Variants in TRHDE observed in about 807,000 individuals in gnomAD.
TRHDE encodes the protein thyrotropin releasing hormone degrading enzyme.
A neutral mutation model predicts 125.7 loss-of-function variants in TRHDE; 72 were observed. The ratio of observed to expected loss-of-function variants is 0.57; its 90% CI spans 0.47 to 0.70. The LOEUF is 0.70. Ranked by LOEUF, TRHDE falls within the 30% of genes least tolerant of loss-of-function variation. The probability of loss-of-function intolerance (pLI) is 0.00; values close to 1 mark genes in which losing one functional copy is unlikely to be tolerated. For missense variants in TRHDE, 1,110 were observed against 1,327.1 expected (o/e 0.84, Z 2.54); for synonymous variants, 509 against 509.1 (o/e 1.00, Z 0.00).
chr12:72,335,112 C>T (rs754964478), intron 2 of TRHDE, among the ~76,000 whole-genome samples: 67 of 152,012 alleles, frequency 4.4e-4, no homozygotes, highest in Non-Finnish European at 8.8e-4. Context: ...TCAAGGGTGA[C>T]TATGCCCTGC....
In TRHDE at chr12:72,614,327, TA is replaced by T. The variant is rs1256174897; in HGVS notation, c.2322-4563del. Among the ~76,000 whole-genome samples, 342 of 42,148 alleles carry T rather than the reference TA, an allele frequency of 8.1e-3. 3 individuals carry two copies. The highest frequency in any genetic ancestry group is 0.021 in the African/African-American group (308 of 14,922). 27.7% of individuals were successfully genotyped at this position (42,148 alleles called of 152,430 possible). A position where few individuals can be genotyped will look rare whatever the true frequency, so the allele number is the denominator to read the frequency against. ...ATATACATATGTATATATATATATATATATTTTTTTTTTCTCTAGAAACTGA... is the reference window on the plus strand; with the variant it reads ...ATATACATATGTATATATATATATATTATTTTTTTTTTCTCTAGAAACTGA... On this transcript the variant is annotated intron_variant, in intron 12 of 18. Transcript: ENST00000261180.
At chr12:72,309,494 G>A (rs1489902449) in intron 2 of TRHDE, among the ~76,000 whole-genome samples, 2 of 151,994 alleles carry the variant, frequency 1.3e-5, no homozygotes, top group African/African-American at 2.4e-5. Flanking sequence ...GGGAATAACT[G>A]GAAAGGAGGA....
intron 1 of TRHDE, among the ~76,000 whole-genome samples, chr12:72,277,684 T>TA (rs1017735751): frequency 6.4e-4 from 96 of 151,048 alleles, no homozygotes; most frequent in African/African-American, 1.2e-3. Context: ...CAATGTTTAC[T>TA]AAAAAAAAAG....
intron 2 of TRHDE, among the ~76,000 whole-genome samples, chr12:72,294,923 C>G (rs992895939): frequency 6.6e-6 from 1 of 151,928 alleles, no homozygotes; most frequent in African/African-American, 2.4e-5. Flanking sequence ...AGTGCTGTGA[C>G]AGCACTGGAG....
chr12:72,566,029 C>CTA (rs1198653357), intron 9 of TRHDE, among the ~76,000 whole-genome samples: 2 of 151,960 alleles, frequency 1.3e-5, no homozygotes, highest in African/African-American at 4.8e-5. Context: ...TTTCACTAAA[C>CTA]TATGTTTAGG....
At chr12:72,179,031 C>G (rs1244194752) in intron 2 of TRHDE, among the ~76,000 whole-genome samples, 2 of 151,964 alleles carry the variant, frequency 1.3e-5, no homozygotes, top group Non-Finnish European at 2.9e-5. Context: ...ATAAATTGGA[C>G]AGATGGAATC....
intron 3 of TRHDE, among the ~76,000 whole-genome samples, chr12:72,435,555 C>T (rs1874701369): frequency 6.6e-6 from 1 of 151,018 alleles, no homozygotes; most frequent in South Asian, 2.1e-4. Flanking sequence ...TAACATTGTC[C>T]TATTTTTATT....
In TRHDE at chr12:72,272,913, T is replaced by C. The variant is rs2139405688; in HGVS notation, c.270T>C (p.Ala90=). ...AVHKRLVLAF[A]VSLVALLAVT... ...ACAAGCGGCTTGTGCTGGCCTTCGC[T>C]GTGTCCCTCGTGGCATTGCTCGCGG... The change falls in exon 1 of 19, where the codon GCT becomes GCC. Residue 90 remains alanine, a synonymous_variant. Coordinates refer to ENST00000261180, the MANE Select transcript of TRHDE (RefSeq NM_013381.3). This position sits in a 1 kb window ranked among gnomAD's most constrained non-coding sequence, Gnocchi z 6.7. 1 of 1,579,256 alleles carries C rather than the reference T, an allele frequency of 6.3e-7. No homozygotes were observed. The highest frequency in any genetic ancestry group is 8.5e-7 in the Non-Finnish European group (1 of 1,170,688).
At chr12:72,156,133 T>C (rs1401903072) in intron 2 of TRHDE, among the ~76,000 whole-genome samples, 1 of 152,132 alleles carries the variant, frequency 6.6e-6, no homozygotes, top group East Asian at 1.9e-4. Flanking sequence ...ACCTTCCAGT[T>C]TGATCTCAGA....
intron 2 of TRHDE, among the ~76,000 whole-genome samples, chr12:72,265,793 C>T (rs1879054200): frequency 6.6e-6 from 1 of 151,712 alleles, no homozygotes; most frequent in South Asian, 2.1e-4. Context: ...TATCTTTGAC[C>T]AGAATCCTCA....
At chr12:72,314,380 A>T (rs1426137576) in intron 2 of TRHDE, among the ~76,000 whole-genome samples, 1 of 147,726 alleles carries the variant, frequency 6.8e-6, no homozygotes, top group Non-Finnish European at 1.5e-5. Context: ...GAAACCTTAT[A>T]AATGCAAACT....
chr12:72,661,501 TAAAAC>T (rs1273197205), intron 18 of TRHDE, among the ~76,000 whole-genome samples: 2 of 152,166 alleles, frequency 1.3e-5, no homozygotes, highest in East Asian at 1.9e-4. Flanking sequence ...TATAATAAAT[TAAAAC>T]AAAATTCAAA....
At chr12:72,149,467 T>C (rs1468493590) in intron 2 of TRHDE, among the ~76,000 whole-genome samples, 1 of 152,176 alleles carries the variant, frequency 6.6e-6, no homozygotes, top group Non-Finnish European at 1.5e-5. Flanking sequence ...GGTATATGTT[T>C]TAAAAAATTT....
intron 2 of TRHDE, chr12:72,163,052 C>A (rs1876669988): frequency 1.3e-5 from 2 of 151,940 alleles, no homozygotes; most frequent in African/African-American, 4.8e-5. Context: ...AGCCTCAAGA[C>A]TAATTTAGAT....
At chr12:72,285,824 G>A (rs1879865731) in intron 1 of TRHDE, among the ~76,000 whole-genome samples, 1 of 152,080 alleles carries the variant, frequency 6.6e-6, no homozygotes, top group African/African-American at 2.4e-5. Flanking sequence ...GGGCTGAAGA[G>A]TCCTTCTTAA....
intron 1 of TRHDE, 24 bp from the exon 2 acceptor site, chr12:72,286,657 A>G (rs761227622): frequency 1.0e-5 from 16 of 1,604,542 alleles, no homozygotes; most frequent in Non-Finnish European, 1.4e-5. Context: ...AATGTAATTG[A>G]GAATGTCATT....
chr12:72,209,313 A>T (rs1877729894), intron 2 of TRHDE, among the ~76,000 whole-genome samples: 1 of 152,248 alleles, frequency 6.6e-6, no homozygotes, highest in Admixed American at 6.5e-5. Flanking sequence ...ACTCCCGTCC[A>T]GATGGTGACA....
intron 3 of TRHDE, among the ~76,000 whole-genome samples, chr12:72,448,778 A>G (rs576759231): frequency 1.1e-4 from 16 of 152,084 alleles, no homozygotes; most frequent in Non-Finnish European, 2.2e-4. Flanking sequence ...AAAAGGAGAC[A>G]TATTATCACT....
chr12:72,262,558 A>G (rs1332219544), intron 2 of TRHDE: 3 of 152,186 alleles, frequency 2.0e-5, no homozygotes, highest in Non-Finnish European at 4.4e-5. Flanking sequence ...TAGCATAGTG[A>G]TAACACTTTT....
Sources: gnomAD v4.1 joint callset for allele counts (sites outside exome capture counted in the v4.1 genomes callset) on GRCh38, gnomAD v4.1.1 for gene constraint, Gnocchi (gnomAD v3.1) non-coding constraint, MANE v1.5 for transcripts, NCBI Gene and HGNC (gene_info 2026-07-23, HGNC 2026-07-21) for gene names.